TYR: variants seen among roughly 807,000 people sequenced by gnomAD.
TYR encodes LB24-AB.
In TYR, 58 loss-of-function variants were observed where a neutral mutation model predicts 51.5. That is an observed-to-expected ratio of 1.13 (90% CI 0.91 to 1.40). TYR has a LOEUF of 1.40. Among genes scored for constraint, TYR ranks in the 40% most tolerant of loss-of-function variants. The pLI is 0.00. For synonymous variants in TYR, 263 were observed against 235.2 expected (o/e 1.12, Z -1.08); for missense variants, 732 against 647.4 (o/e 1.13, Z -1.42).
rs971813079 is a variant in TYR at position 89,268,382 on chromosome 11, C to G, written c.1185-16391C>G. On this transcript the variant is annotated intron_variant, in intron 3 of 4. Transcript: ENST00000263321. The stretch of plus-strand genomic sequence containing the variant: ...CAATAAATTGAAATTATTACTGAAG[C>G]AATCAGTCATTTTTTATTATTCTAA... 7.9e-5 allele frequency among the ~76,000 whole-genome samples: 12 copies of G among 151,756 alleles called. 1 individual carries two copies. Among genetic ancestry groups the G allele is most frequent in the African/African-American group, 2.7e-4 (11 of 41,300 alleles).
intron 3 of TYR, among the ~76,000 whole-genome samples, chr11:89,262,058 G>C (rs1443117807): frequency 6.6e-6 from 1 of 151,956 alleles, no homozygotes; most frequent in Non-Finnish European, 1.5e-5. Flanking sequence ...CAATGACAGA[G>C]ATTTTTTATT....
In TYR at chr11:89,187,985, T is replaced by C. The variant is rs540631346; in HGVS notation, c.820-3217T>C. 1.7e-4 allele frequency among the ~76,000 whole-genome samples: 26 copies of C among 151,588 alleles called. No homozygotes were observed. The South Asian group carries it at 5.0e-3, about 29-fold the overall frequency. Reference sequence around the variant, plus strand: ...AGTATTGAGTATTTTATGTAACTTATCTTCTAGTGGAGTAGGTCTAGTAAG... The same window carrying C: ...AGTATTGAGTATTTTATGTAACTTACCTTCTAGTGGAGTAGGTCTAGTAAG... On this transcript the variant is annotated intron_variant, in intron 1 of 4. Coordinates refer to ENST00000263321, the MANE Select transcript of TYR (RefSeq NM_000372.5).
At chr11:89,281,135 C>G (rs1281500832) in intron 3 of TYR, among the ~76,000 whole-genome samples, 4 of 151,624 alleles carry the variant, frequency 2.6e-5, no homozygotes, top group African/African-American at 9.7e-5. Context: ...TTGCCTCTGC[C>G]CCTCTATTTG....
At chr11:89,194,964 C>T (rs12419341) in intron 2 of TYR, among the ~76,000 whole-genome samples, 33,928 of 151,946 alleles carry the variant, frequency 0.22, 6,032 homozygotes, top group African/African-American at 0.49. Flanking sequence ...GGGAAGGAAA[C>T]TCAAGATCAA....
intron 2 of TYR, among the ~76,000 whole-genome samples, chr11:89,195,596 T>G (rs1943507392): frequency 6.6e-6 from 1 of 151,994 alleles, no homozygotes; most frequent in Non-Finnish European, 1.5e-5. Context: ...GGAGAATCGC[T>G]TGAACCCAGG....
chr11:89,277,121 A>T (rs1027345885), intron 3 of TYR, among the ~76,000 whole-genome samples: 44 of 151,906 alleles, frequency 2.9e-4, no homozygotes, highest in African/African-American at 9.6e-4. Flanking sequence ...AAATGAGCAC[A>T]CTGAGGCTTA....
At chr11:89,286,719 C>A (rs1590903862) in intron 4 of TYR, among the ~76,000 whole-genome samples, 1 of 151,890 alleles carries the variant, frequency 6.6e-6, no homozygotes, top group East Asian at 1.9e-4. Context: ...AATGCTAACA[C>A]AGCTGACAAA....
At position 89,228,076 on chromosome 11, in the gene TYR, T is replaced by G. The variant is rs755634824; in HGVS notation, c.1184+106T>G. Reference sequence around the variant, plus strand: ...AATAAAAGCTAAGAAGTTATGGTAGTCTATTGTCTGTGATCAGGTTGTCAC... The same window carrying G: ...AATAAAAGCTAAGAAGTTATGGTAGGCTATTGTCTGTGATCAGGTTGTCAC... On this transcript the variant is annotated intron_variant, in intron 3 of 4. Transcript: ENST00000263321. 237 of 1,418,680 alleles carry G rather than the reference T, an allele frequency of 1.7e-4. 1 individual carries two copies. Among genetic ancestry groups the G allele is most frequent in the Non-Finnish European group, 2.2e-4 (229 of 1,018,018 alleles). The allele number at this position is 1,418,680 out of a possible 1,614,324, so 87.9% of individuals were successfully genotyped here. A position where few individuals can be genotyped will look rare whatever the true frequency, so the allele number is the denominator to read the frequency against.
intron 2 of TYR, among the ~76,000 whole-genome samples, chr11:89,191,626 G>C (rs1943447898): frequency 6.6e-6 from 1 of 152,080 alleles, no homozygotes; most frequent in African/African-American, 2.4e-5. Flanking sequence ...AGGCATGGTG[G>C]CTCATGCCTG....
At chr11:89,220,224 G>A (rs1028402174) in intron 2 of TYR, among the ~76,000 whole-genome samples, 2 of 152,118 alleles carry the variant, frequency 1.3e-5, no homozygotes, top group African/African-American at 4.8e-5. Flanking sequence ...TGGCTTCTGG[G>A]GAGGCTGAAA....
intron 3 of TYR, among the ~76,000 whole-genome samples, chr11:89,275,935 G>C (rs1488646450): frequency 6.6e-6 from 1 of 151,846 alleles, no homozygotes; most frequent in Non-Finnish European, 1.5e-5. Context: ...AAATATGTAG[G>C]AGACAACTTT....
chr11:89,249,368 A>G (rs1396966550), intron 3 of TYR, among the ~76,000 whole-genome samples: 2 of 150,726 alleles, frequency 1.3e-5, no homozygotes, highest in Admixed American at 1.3e-4. Context: ...CATTAAAAGG[A>G]TGAGCCGATA....
At chr11:89,258,061 A>G (rs1271412512) in intron 3 of TYR, among the ~76,000 whole-genome samples, 2 of 152,042 alleles carry the variant, frequency 1.3e-5, no homozygotes, top group African/African-American at 4.8e-5. Context: ...AGATTGTGCT[A>G]ATTGATTCCA....
intron 2 of TYR, among the ~76,000 whole-genome samples, chr11:89,217,613 T>A (rs928949031): frequency 1.3e-5 from 2 of 152,182 alleles, no homozygotes; most frequent in African/African-American, 4.8e-5. Context: ...GAAAGTGGTT[T>A]TTTGAACACA....
In TYR at chr11:89,212,301, A is replaced by G. The variant is rs576816227; in HGVS notation, c.1037-15522A>G. On this transcript the variant is annotated intron_variant, in intron 2 of 4. Transcript: ENST00000263321. ...ATACAAACTACCATCAGAGAATACTATAAACACCTCTATGCAAATAATCTA... is the reference window on the plus strand; with the variant it reads ...ATACAAACTACCATCAGAGAATACTGTAAACACCTCTATGCAAATAATCTA... Among the ~76,000 whole-genome samples, 3 of 152,320 alleles carry G rather than the reference A, an allele frequency of 2.0e-5. 1 individual carries two copies. Among genetic ancestry groups the G allele is most frequent in the East Asian group, 1.9e-4 (1 of 5,192 alleles).
At chr11:89,258,641 G>A (rs891328129) in intron 3 of TYR, among the ~76,000 whole-genome samples, 1 of 152,030 alleles carries the variant, frequency 6.6e-6, no homozygotes, top group Non-Finnish European at 1.5e-5. Context: ...TATGATAAGT[G>A]GACAGATATT....
chr11:89,190,950 A>G (rs960754125), intron 1 of TYR, among the ~76,000 whole-genome samples: 20 of 152,156 alleles, frequency 1.3e-4, no homozygotes, highest in African/African-American at 4.8e-4. Flanking sequence ...AGGTTTTACC[A>G]AACAGCCAAG....
intron 3 of TYR, among the ~76,000 whole-genome samples, chr11:89,260,078 G>T (rs551583944): frequency 1.8e-4 from 28 of 152,088 alleles, no homozygotes; most frequent in Non-Finnish European, 3.4e-4. Context: ...GTTAAAAAGA[G>T]ATTGTATATT....
intron 3 of TYR, among the ~76,000 whole-genome samples, chr11:89,267,057 A>G (rs1944533980): frequency 6.6e-6 from 1 of 151,930 alleles, no homozygotes; most frequent in African/African-American, 2.4e-5. Flanking sequence ...TTCCACTGTA[A>G]TTCTCAGAAT....
Sources: allele counts gnomAD v4.1 joint callset (sites outside exome capture counted in the v4.1 genomes callset), GRCh38; gene constraint gnomAD v4.1.1; transcripts MANE v1.5; gene names NCBI Gene and HGNC (gene_info 2026-07-23, HGNC 2026-07-21).